The following SEMA3D variants were observed in gnomAD, a reference collection of about 807,000 sequenced individuals.
The protein encoded by SEMA3D is semaphorin-3D.
SEMA3D carries 84 observed loss-of-function variants against 100.1 expected under a neutral mutation model. The ratio of observed to expected loss-of-function variants is 0.84; its 90% CI spans 0.70 to 1.01. SEMA3D has a LOEUF of 1.01. Among genes scored for constraint, SEMA3D ranks in the 50% least tolerant of loss-of-function variants. The pLI is 0.00. For missense variants in SEMA3D, 875 were observed against 934.1 expected, an observed-to-expected ratio of 0.94 and a Z score of 0.82; for synonymous variants, 312 against 320.7, an observed-to-expected ratio of 0.97 and a Z score of 0.29.
At chr7:85,005,450 G>A (rs1421605524) in intron 18 of SEMA3D, among the ~76,000 whole-genome samples, 1 of 151,934 alleles carries the variant, frequency 6.6e-6, no homozygotes, top group Non-Finnish European at 1.5e-5. Flanking sequence ...TTTTATTGGC[G>A]AAATTTGACT....
chr7:85,145,824 A>G (rs1014804374), intron 2 of SEMA3D, among the ~76,000 whole-genome samples: 14 of 152,154 alleles, frequency 9.2e-5, no homozygotes, highest in African/African-American at 3.4e-4. Flanking sequence ...AGTCTCCTAT[A>G]TAATGTGATG....
chr7:85,049,332 A>C (rs1384262901), intron 9 of SEMA3D, among the ~76,000 whole-genome samples: 2 of 151,824 alleles, frequency 1.3e-5, no homozygotes, highest in Non-Finnish European at 2.9e-5. Context: ...CTAAGCAAAT[A>C]GAAGTGGAGA....
intron 1 of SEMA3D, among the ~76,000 whole-genome samples, chr7:85,179,616 A>T (rs1791337401): frequency 6.6e-6 from 1 of 151,232 alleles, no homozygotes; most frequent in South Asian, 2.1e-4. Context: ...CCAGGTGCAT[A>T]TCTGGAAGAG....
chr7:85,112,646 G>T (rs1789125120), intron 3 of SEMA3D, among the ~76,000 whole-genome samples: 1 of 152,092 alleles, frequency 6.6e-6, no homozygotes, highest in Non-Finnish European at 1.5e-5. Flanking sequence ...GAGATTCAGG[G>T]TCTGAGCCTC....
At chr7:85,090,954 T>C (rs1358451607) in intron 4 of SEMA3D, among the ~76,000 whole-genome samples, 1 of 151,462 alleles carries the variant, frequency 6.6e-6, no homozygotes, top group Non-Finnish European at 1.5e-5. Context: ...TGTAGCATTA[T>C]GGATTTCAAG....
intron 9 of SEMA3D, among the ~76,000 whole-genome samples, chr7:85,047,967 A>G (rs2116030721): frequency 6.6e-6 from 1 of 151,930 alleles, no homozygotes; most frequent in African/African-American, 2.4e-5. Context: ...ACCCATTAAT[A>G]ACACTTATGC....
At chr7:85,048,215 T>G (rs942223706) in intron 9 of SEMA3D, among the ~76,000 whole-genome samples, 1 of 151,842 alleles carries the variant, frequency 6.6e-6, no homozygotes, top group African/African-American at 2.4e-5. Flanking sequence ...TATTCTTTGC[T>G]TGATTTGTCA....
chr7:85,211,341 C>T, the SEMA3D span, among the ~76,000 whole-genome samples: 1 of 152,010 alleles, frequency 6.6e-6, no homozygotes, highest in East Asian at 1.9e-4. Context: ...TCCCAGTTTT[C>T]CCTCTCTCTT....
intron 2 of SEMA3D, among the ~76,000 whole-genome samples, chr7:85,137,848 T>G (rs1167934185): frequency 6.6e-6 from 1 of 152,154 alleles, no homozygotes; most frequent in Non-Finnish European, 1.5e-5. Flanking sequence ...CATTTCCTTC[T>G]TCCTCTGTGT....
chr7:85,031,569 C>A (rs1409989019), intron 12 of SEMA3D, among the ~76,000 whole-genome samples: 1 of 151,892 alleles, frequency 6.6e-6, no homozygotes, highest in African/African-American at 2.4e-5. Flanking sequence ...GAAGGTAGAA[C>A]AAAAGGTAGG....
In SEMA3D at chr7:85,083,575, T is replaced by C. The variant is rs183065905; in HGVS notation, c.313-1996A>G. 4.6e-3 allele frequency among the ~76,000 whole-genome samples: 704 copies of C among 152,204 alleles called. 7 individuals carry two copies. Among genetic ancestry groups the C allele is most frequent in the African/African-American group, 0.017 (687 of 41,558 alleles). On this transcript the variant is annotated intron_variant, in intron 4 of 18. Coordinates refer to ENST00000284136, the MANE Select transcript of SEMA3D (RefSeq NM_001384900.1). ...TAAAAATTGCATCGGCCGGGCGCGG[T>C]GGCTCACGCCTGTAATCCCAGCATT...
the SEMA3D span, among the ~76,000 whole-genome samples, chr7:85,217,886 A>C: frequency 6.6e-6 from 1 of 152,220 alleles, no homozygotes; most frequent in East Asian, 1.9e-4. Context: ...CATTTACATC[A>C]ATATAGTTTA....
At chr7:85,208,175 G>T in the SEMA3D span, among the ~76,000 whole-genome samples, 2 of 151,574 alleles carry the variant, frequency 1.3e-5, no homozygotes, top group Admixed American at 6.6e-5. Context: ...TACCCTAAGT[G>T]TAAAATATTG....
At chr7:85,019,413 C>A (rs750888433) in intron 14 of SEMA3D, among the ~76,000 whole-genome samples, 2 of 151,566 alleles carry the variant, frequency 1.3e-5, no homozygotes, top group Non-Finnish European at 2.9e-5. Flanking sequence ...AACTCCTTGA[C>A]CACTATTATC....
At chr7:85,172,045 A>T (rs1332299586) in intron 1 of SEMA3D, among the ~76,000 whole-genome samples, 1 of 151,856 alleles carries the variant, frequency 6.6e-6, no homozygotes, top group Non-Finnish European at 1.5e-5. Flanking sequence ...CATATGTATG[A>T]GTAAAGGCTT....
At chr7:85,060,017 A>G (rs781621945) in intron 8 of SEMA3D, among the ~76,000 whole-genome samples, 48 of 152,266 alleles carry the variant, frequency 3.2e-4, no homozygotes, top group Non-Finnish European at 6.0e-4. Flanking sequence ...AGGTGGGAGG[A>G]GGAAAGAGCA....
At chr7:85,190,437 C>A (rs969782715), upstream of SEMA3D, among the ~76,000 whole-genome samples, 1 of 152,010 alleles carries the variant, frequency 6.6e-6, no homozygotes, top group African/African-American at 2.4e-5. Flanking sequence ...AGAAAATCGG[C>A]GTGTATGTTA....
the SEMA3D span, among the ~76,000 whole-genome samples, chr7:85,236,522 G>A: frequency 6.6e-6 from 1 of 151,662 alleles, no homozygotes; most frequent in African/African-American, 2.4e-5. Context: ...TGGCCAGGAT[G>A]GTCTTGATCT....
At chr7:85,226,325 C>A in the SEMA3D span, among the ~76,000 whole-genome samples, 1 of 152,058 alleles carries the variant, frequency 6.6e-6, no homozygotes, top group Non-Finnish European at 1.5e-5. Context: ...AATAAAATTG[C>A]AACTTCATGC....
Sources: gnomAD v4.1 joint callset for allele counts (sites outside exome capture counted in the v4.1 genomes callset) on GRCh38, gnomAD v4.1.1 for gene constraint, MANE v1.5 for transcripts, NCBI Gene and HGNC (gene_info 2026-07-23, HGNC 2026-07-21) for gene names.